The following NHP2 variants were observed in gnomAD, a reference collection of about 807,000 sequenced individuals.
NHP2 encodes NHP2 ribonucleoprotein.
Under a neutral mutation model 16.7 loss-of-function variants are expected in NHP2, and 10 were observed. That is an observed-to-expected ratio of 0.60 (90% CI 0.37 to 1.01). The LOEUF is 1.01. NHP2 is among the 50% of genes least tolerant of loss of function. NHP2 has a pLI of 0.01. For synonymous variants in NHP2, 87 were observed against 78.9 expected (o/e 1.10, Z -0.54); for missense variants, 184 against 198.3 (o/e 0.93, Z 0.43).
rs569739759 is a variant in NHP2, at chr5:178,150,656, T to A, written c.336+232A>T. 30 of 678,036 alleles carry A rather than the reference T, an allele frequency of 4.4e-5. No individual in the cohort carries two copies. In the East Asian group the frequency reaches 8.6e-4, roughly 19 times the overall value. The allele number at this position is 678,036 out of a possible 1,614,324, so 42.0% of individuals were successfully genotyped here. Reference sequence around the variant, plus strand: ...TCTTGGCCTCCCAAAGCACTAGGATTACAGGTGTGAGCCACAGCGCCTGGG... The same window carrying A: ...TCTTGGCCTCCCAAAGCACTAGGATAACAGGTGTGAGCCACAGCGCCTGGG... On this transcript the variant is annotated intron_variant, in intron 3 of 3. Transcript: ENST00000274606.
At chr5:178,150,115 T>C in intron 3 of NHP2, 2 of 352,112 alleles carry the variant, frequency 5.7e-6, no homozygotes, top group East Asian at 6.6e-5. Flanking sequence ...CCCCACTTCC[T>C]GTGCCTCAGA....
At chr5:178,152,253 T>G (rs1756295429) in intron 2 of NHP2, among the ~76,000 whole-genome samples, 1 of 152,088 alleles carries the variant, frequency 6.6e-6, no homozygotes, top group Admixed American at 6.6e-5. Context: ...GCCTCCAAAG[T>G]GCTGAGTATA....
intron 2 of NHP2, among the ~76,000 whole-genome samples, chr5:178,151,671 G>T (rs1561644546): frequency 6.6e-6 from 1 of 152,164 alleles, no homozygotes; most frequent in East Asian, 1.9e-4. Context: ...GCCTTTCACT[G>T]TGAGTGTTCC....
chr5:178,150,819 C>T (rs766826938), intron 3 of NHP2, 69 bp downstream of exon 3: 1 of 1,012,546 alleles, frequency 9.9e-7, no homozygotes, highest in South Asian at 1.3e-5. Context: ...TTCCCACACT[C>T]TCCTGCTATG....
Position 178,153,682 on chromosome 5 carries a change from TC to T in NHP2, c.135del (p.Lys46SerfsTer10). The T allele has an allele frequency of 6.2e-7, 1 of 1,613,992 alleles. No homozygotes were observed. Among genetic ancestry groups the T allele is most frequent in the South Asian group, 1.1e-5 (1 of 91,074 alleles). The stretch of plus-strand genomic sequence containing the variant: ...CCTTTCTTGATGCATTTGTAGAGCT[TC>T]CGCGTGAGGCGGCGAGAAGCCAGGG... ...AQPLASRRLT[R>X]KLYKCIKKAV... On this transcript the variant is annotated frameshift_variant, in exon 1 of 4. Coordinates refer to ENST00000274606, the MANE Select transcript of NHP2 (RefSeq NM_017838.4). LOFTEE classifies it high-confidence loss of function.
chr5:178,150,062 G>A (rs536531442), intron 3 of NHP2: 2 of 461,344 alleles, frequency 4.3e-6, no homozygotes. Context: ...TGGCAACTAT[G>A]AAAGGGCTCC....
rs140275983 is a variant in NHP2 at position 178,149,819 on chromosome 5, C to T, written c.356G>A (p.Gly119Asp). 1 of 1,613,626 alleles carries T rather than the reference C, an allele frequency of 6.2e-7. No individual in the cohort carries two copies. The highest frequency in any genetic ancestry group is 1.3e-5 in the African/African-American group (1 of 74,936). The change falls in exon 4 of 4, where the codon GGC becomes GAC. Residue 119 changes from glycine to aspartate, a missense_variant. By Grantham distance (94) the Gly-to-Asp change is moderately conservative. Transcript: ENST00000274606. ...PSKTDLGAAA[G>D]SKRPTCVIMV... is the part of the protein sequence containing the mutation. ...TATCACACAGGTGGGGCGCTTGGAG[C>T]CTGCGGCTGCACCCAGGTCCTACAG... is the stretch of plus-strand genomic sequence containing the variant.
chr5:178,150,136 G>A, intron 3 of NHP2: 1 of 333,268 alleles, frequency 3.0e-6, no homozygotes. Flanking sequence ...TCTGGCCCCT[G>A]TTACGTAAGA....
rs762061538 is a variant in NHP2, at chr5:178,152,937, TAAC to T, written c.230+551_230+553del. On this transcript the variant is annotated intron_variant, in intron 2 of 3. Transcript: ENST00000274606. ...CTCCTCTGTCTCTGCAAAACAACAA[TAAC>T]AACAGCCAGGCGTGGCGCAAGCCGG... Among the ~76,000 whole-genome samples the T allele has an allele frequency of 5.3e-5, 8 of 152,138 alleles. No homozygotes were observed. In the East Asian group the frequency reaches 5.8e-4, roughly 11 times the overall value.
chr5:178,153,171 G>A (rs1756318087), intron 2 of NHP2: 1 of 448,022 alleles, frequency 2.2e-6, no homozygotes, highest in African/African-American at 2.0e-5. Flanking sequence ...AGGGCTGAGA[G>A]GATTAGGGCG....
chr5:178,150,843 G>A (rs1219802346), intron 3 of NHP2, 45 bp downstream of exon 3: 1 of 1,256,754 alleles, frequency 8.0e-7, no homozygotes, highest in Non-Finnish European at 1.2e-6. Flanking sequence ...GACTATCCCA[G>A]ACACCCCAGT....
rs1453253907 is a variant in NHP2, at chr5:178,153,368, T to G, written c.230+123A>C. 6 of 936,826 alleles carry G rather than the reference T, an allele frequency of 6.4e-6. No individual in the cohort carries two copies. In the African/African-American group the frequency reaches 9.7e-5, roughly 15 times the overall value. The allele number at this position is 936,826 out of a possible 1,614,324, so 58.0% of individuals were successfully genotyped here. On this transcript the variant is annotated intron_variant, in intron 2 of 3. Coordinates refer to ENST00000274606, the MANE Select transcript of NHP2 (RefSeq NM_017838.4). ...ATTGTACCAAAGGGACTTTACCGAC[T>G]GCTTGATTGGCTTCTGTATATGGGG...
chr5:178,153,348 A>T (rs72817268), intron 2 of NHP2, 143 bp downstream of exon 2: 149 of 800,850 alleles, frequency 1.9e-4, no homozygotes, highest in Admixed American at 6.2e-4. Flanking sequence ...CCGGTATTGT[A>T]CCAAAGGGAC....
rs180956444 is a variant in NHP2 at position 178,149,919 on chromosome 5, G to A, written c.337-81C>T. On this transcript the variant is annotated intron_variant, in intron 3 of 3. Coordinates refer to ENST00000274606, the MANE Select transcript of NHP2 (RefSeq NM_017838.4). Reference sequence around the variant, plus strand: ...GAAGTCACCAACTGATGACCCACCAGCCTAATCTGGCCCACAACCATGTTC... The same window carrying A: ...GAAGTCACCAACTGATGACCCACCAACCTAATCTGGCCCACAACCATGTTC... The A allele has an allele frequency of 7.8e-5, 114 of 1,457,124 alleles. No homozygotes were observed. The African/African-American group carries it at 1.4e-3, about 18-fold the overall frequency. The allele number at this position is 1,457,124 out of a possible 1,614,324, so 90.3% of individuals were successfully genotyped here.
rs377411671 is a variant in NHP2 at position 178,150,941 on chromosome 5, G to A, written c.283C>T (p.Pro95Ser). The change falls in exon 3 of 4, where the codon CCA becomes TCA. Residue 95 changes from proline (P) to serine (S), a missense_variant. By Grantham distance (74) the Pro-to-Ser change is moderately conservative. Transcript: ENST00000274606. ...AAATTTCGGTCCTCACACATGACTGGGAGATGGCAGTATACCTCAATGGGC... is the reference window on the plus strand; with the variant it reads ...AAATTTCGGTCCTCACACATGACTGAGAGATGGCAGTATACCTCAATGGGC... ...TLPIEVYCHL[P>S]VMCEDRNLPY... 1.9e-6 allele frequency: 3 copies of A among 1,613,984 alleles called. No individual in the cohort carries two copies. The African/African-American group carries it at 4.0e-5, about 22-fold the overall frequency.
At position 178,153,438 on chromosome 5, in the gene NHP2, A is replaced by T. The variant is rs1756323720; in HGVS notation, c.230+53T>A. ...TTTACTGCGCGCCTACTAAGTAGAG[A>T]TTTCTCCGTTAACGTTTAGAAATGC... On this transcript the variant is annotated intron_variant, in intron 2 of 3. Transcript: ENST00000274606. 5 of 1,583,776 alleles carry T rather than the reference A, an allele frequency of 3.2e-6. No individual in the cohort carries two copies. In the Admixed American group the frequency reaches 6.7e-5, roughly 21 times the overall value.
rs1756278421 is a variant in NHP2, at chr5:178,151,568, G to A, written c.231-575C>T. On this transcript the variant is annotated intron_variant, in intron 2 of 3. Coordinates refer to ENST00000274606, the MANE Select transcript of NHP2 (RefSeq NM_017838.4). ...TCTGCTCTCCCATGCTGGATAACAG[G>A]CGGACACACAAGGACAGAGCCCTCG... 1.3e-5 allele frequency among the ~76,000 whole-genome samples: 2 copies of A among 152,190 alleles called. 1 individual carries two copies. Among genetic ancestry groups the A allele is most frequent in the African/African-American group, 4.8e-5 (2 of 41,436 alleles).
chr5:178,153,096 A>G (rs532092752), intron 2 of NHP2: 18 of 330,474 alleles, frequency 5.4e-5, no homozygotes, highest in South Asian at 4.2e-4. Flanking sequence ...AAAACAAACA[A>G]AAACGTTAAC....
At chr5:178,152,151 T>C (rs1175621667) in intron 2 of NHP2, among the ~76,000 whole-genome samples, 1 of 152,228 alleles carries the variant, frequency 6.6e-6, no homozygotes, top group Non-Finnish European at 1.5e-5. Context: ...AACCTACTCG[T>C]ACCTCTCTAA....
Sources: gnomAD v4.1 joint callset for allele counts (sites outside exome capture counted in the v4.1 genomes callset) on GRCh38, gnomAD v4.1.1 for gene constraint, MANE v1.5 for transcripts, NCBI Gene and HGNC (gene_info 2026-07-23, HGNC 2026-07-21) for gene names.